The following MYO5B variants were observed in gnomAD, a reference collection of about 807,000 sequenced individuals.
The protein encoded by MYO5B is myosin VB.
MYO5B carries 143 observed loss-of-function variants against 229.3 expected under a neutral mutation model. The ratio of observed to expected loss-of-function variants is 0.62; its 90% confidence interval spans 0.54 to 0.72. The LOEUF is 0.72. Ranked by LOEUF, MYO5B falls within the 30% of genes least tolerant of loss-of-function variation. The pLI is 0.00. For synonymous variants in MYO5B, 918 were observed against 885.2 expected (o/e 1.04, Z -0.66); for missense variants, 2,321 against 2,331.0 (o/e 1.00, Z 0.09).
At chr18:50,044,111 C>A (rs1298515761) in intron 2 of MYO5B, among the ~76,000 whole-genome samples, 2 of 152,026 alleles carry the variant, frequency 1.3e-5, no homozygotes, top group East Asian at 1.9e-4. Flanking sequence ...TGCAAATAAA[C>A]AAGTGGTATT....
At chr18:49,953,001 A>C (rs962987334) in intron 14 of MYO5B, among the ~76,000 whole-genome samples, 3 of 151,672 alleles carry the variant, frequency 2.0e-5, no homozygotes, top group African/African-American at 7.3e-5. Flanking sequence ...CATCTTTCCC[A>C]GTTTTCTCCC....
intron 26 of MYO5B, among the ~76,000 whole-genome samples, chr18:49,873,263 G>A (rs1445161329): frequency 6.6e-6 from 1 of 152,224 alleles, no homozygotes; most frequent in Non-Finnish European, 1.5e-5. Context: ...TTAACTACTT[G>A]GAGTAATTTC....
At chr18:49,853,345 C>T in intron 31 of MYO5B, 104 bp downstream of exon 31, 1 of 1,156,112 alleles carries the variant, frequency 8.6e-7, no homozygotes, top group Non-Finnish European at 1.3e-6. Context: ...ACTATAGGGC[C>T]AAGGGTCATG....
At chr18:49,995,136 T>C (rs995626297) in intron 5 of MYO5B, among the ~76,000 whole-genome samples, 2 of 152,174 alleles carry the variant, frequency 1.3e-5, no homozygotes, top group African/African-American at 4.8e-5. Flanking sequence ...CTCCATACTC[T>C]GTCTCCTCCA....
chr18:49,827,325 C>T (rs2023859259), intron 39 of MYO5B, among the ~76,000 whole-genome samples: 1 of 152,220 alleles, frequency 6.6e-6, no homozygotes, highest in Non-Finnish European at 1.5e-5. Context: ...GCTAGCTGGC[C>T]AGGGTAGGCA....
At chr18:50,058,135 A>C (rs1301285699) in intron 1 of MYO5B, among the ~76,000 whole-genome samples, 1 of 152,252 alleles carries the variant, frequency 6.6e-6, no homozygotes, top group Non-Finnish European at 1.5e-5. Flanking sequence ...TCATTCATTC[A>C]TTGATGTATT....
intron 1 of MYO5B, among the ~76,000 whole-genome samples, chr18:50,139,090 A>C (rs1057120026): frequency 2.6e-5 from 4 of 152,274 alleles, no homozygotes; most frequent in African/African-American, 9.6e-5. Context: ...AGGATGCCAG[A>C]GTATTTAGGC....
chr18:49,881,870 T>G (rs547610872), intron 22 of MYO5B, among the ~76,000 whole-genome samples: 2 of 152,108 alleles, frequency 1.3e-5, no homozygotes, highest in South Asian at 4.2e-4. Flanking sequence ...TTAGAGCAAC[T>G]ATTTGTATGG....
intron 4 of MYO5B, among the ~76,000 whole-genome samples, chr18:50,013,872 G>C (rs531928241): frequency 6.4e-4 from 97 of 152,302 alleles, no homozygotes; most frequent in African/African-American, 2.2e-3. Context: ...GCAGGACCCA[G>C]TGCTGCTCCT....
At chr18:50,185,170 AAC>A (rs1325900320) in intron 1 of MYO5B, among the ~76,000 whole-genome samples, 1 of 152,086 alleles carries the variant, frequency 6.6e-6, no homozygotes, top group Non-Finnish European at 1.5e-5. Context: ...TAAGGAAAAC[AAC>A]ACATTGTTCC....
At chr18:49,965,166 A>G (rs2025608447) in intron 10 of MYO5B, among the ~76,000 whole-genome samples, 1 of 152,184 alleles carries the variant, frequency 6.6e-6, no homozygotes, top group Admixed American at 6.5e-5. Flanking sequence ...TGGCCAACCA[A>G]TAGAAAGGTT....
At chr18:49,828,538 A>G (rs1041453819) in intron 39 of MYO5B, among the ~76,000 whole-genome samples, 7 of 152,240 alleles carry the variant, frequency 4.6e-5, no homozygotes, top group African/African-American at 1.4e-4. Context: ...TAGAAGATCA[A>G]TAAGAAAATA....
At chr18:49,871,709 C>G in intron 27 of MYO5B, 1 of 247,890 alleles carries the variant, frequency 4.0e-6, no homozygotes, top group Middle Eastern at 1.6e-3. Flanking sequence ...GGCAGATAGG[C>G]TAAATTCCCA....
At chr18:49,954,023 TATGTGTGTGTG>T (rs2025462872) in intron 13 of MYO5B, among the ~76,000 whole-genome samples, 14 of 11,566 alleles carry the variant, frequency 1.2e-3, no homozygotes, top group African/African-American at 6.5e-3. Flanking sequence ...TATGTATTTA[TATGTGTGTGTG>T]TGTGTGTGTG....
chr18:50,001,328 A>T lies in MYO5B; in HGVS notation c.539T>A (p.Phe180Tyr). ...TVSAKYAMRY[F>Y]ATVGGSASET... ...ACTGGCCGAGCCACCAACGGTGGCGAAATAGCGCATGGCATACTTGGCTGA... is the reference window on the plus strand; with the variant it reads ...ACTGGCCGAGCCACCAACGGTGGCGTAATAGCGCATGGCATACTTGGCTGA... The change falls in exon 5 of 40, where the codon TTC (phenylalanine) becomes TAC (tyrosine). Residue 180 changes from phenylalanine to tyrosine, a missense_variant. Physicochemically the swap from Phe to Tyr is conservative, Grantham distance 22. Coordinates refer to ENST00000285039, the MANE Select transcript of MYO5B (RefSeq NM_001080467.3). 6.2e-7 allele frequency: 1 copy of T among 1,614,206 alleles called. No homozygotes were observed. The highest frequency in any genetic ancestry group is 8.5e-7 in the Non-Finnish European group (1 of 1,180,034).
Position 49,929,610 on chromosome 18 carries a change from G to GAAAA in MYO5B, c.2004-16_2004-13dup, listed in dbSNP as rs56278513. The GAAAA allele has an allele frequency of 2.2e-5, 28 of 1,288,444 alleles. No homozygotes were observed. Among genetic ancestry groups the GAAAA allele is most frequent in the South Asian group, 2.7e-5 (2 of 74,460 alleles). The allele number at this position is 1,288,444 out of a possible 1,614,324, so 79.8% of individuals were successfully genotyped here. A position where few individuals can be genotyped will look rare whatever the true frequency, so the allele number is the denominator to read the frequency against. ...TCTTTGGGTCAAAGCTGCCAAAGGA[G>GAAAA]AAAAAAAAAAAAAAAAGCAAGACAA... On this transcript the variant is annotated splice_polypyrimidine_tract_variant and intron_variant, in intron 16 of 39. Transcript: ENST00000285039.
intron 1 of MYO5B, among the ~76,000 whole-genome samples, chr18:50,061,672 T>C (rs950362624): frequency 6.6e-6 from 1 of 152,178 alleles, no homozygotes; most frequent in African/African-American, 2.4e-5. Context: ...CACACTTGAA[T>C]AGTTAAATCT....
intron 4 of MYO5B, among the ~76,000 whole-genome samples, chr18:50,011,007 C>G (rs1215633003): frequency 6.6e-6 from 1 of 152,126 alleles, no homozygotes; most frequent in Non-Finnish European, 1.5e-5. Context: ...TGTATTCTTC[C>G]TTTGATAGAT....
intron 35 of MYO5B, chr18:49,840,534 T>C (rs1363669787): frequency 6.6e-6 from 1 of 152,242 alleles, no homozygotes; most frequent in Non-Finnish European, 1.5e-5. Context: ...GGTCGCACTA[T>C]TTTGGTTTAC....
Sources: allele counts gnomAD v4.1 joint callset (sites outside exome capture counted in the v4.1 genomes callset), GRCh38; gene constraint gnomAD v4.1.1; transcripts MANE v1.5; gene names NCBI Gene and HGNC (gene_info 2026-07-23, HGNC 2026-07-21).